PLXDC2: variants seen among roughly 807,000 people sequenced by gnomAD.
PLXDC2 encodes plexin domain-containing protein 2.
In PLXDC2, 40 loss-of-function variants were observed where a neutral mutation model predicts 68.9. That is an observed-to-expected ratio of 0.58 (90% confidence interval 0.45 to 0.76). The LOEUF (loss-of-function observed/expected upper bound fraction) is 0.76, where lower values mean the gene tolerates loss of function less well. Among genes scored for constraint, PLXDC2 ranks in the 30% least tolerant of loss-of-function variants. The probability of loss-of-function intolerance (pLI) is 0.00; values close to 1 mark genes in which losing one functional copy is unlikely to be tolerated. For synonymous variants in PLXDC2, 243 were observed against 234.2 expected (o/e 1.04, Z -0.34); for missense variants, 644 against 661.9 (o/e 0.97, Z 0.30).
At chr10:20,072,618 C>G (rs1836355503) in intron 4 of PLXDC2, among the ~76,000 whole-genome samples, 1 of 152,064 alleles carries the variant, frequency 6.6e-6, no homozygotes, top group Admixed American at 6.6e-5. Context: ...AGAAGTAGAT[C>G]TGGCCTGATC....
intron 1 of PLXDC2, among the ~76,000 whole-genome samples, chr10:19,854,413 G>T (rs1425368190): frequency 6.6e-6 from 1 of 152,028 alleles, no homozygotes; most frequent in Non-Finnish European, 1.5e-5. Flanking sequence ...GCCTCCCAGG[G>T]GCCATATGGC....
chr10:20,072,475 A>AAAG (rs1836340444), intron 4 of PLXDC2, among the ~76,000 whole-genome samples: 2 of 107,246 alleles, frequency 1.9e-5, no homozygotes, highest in Admixed American at 9.9e-5. Context: ...AGAAAGAAAG[A>AAAG]AGGAACAAAG....
At position 19,861,228 on chromosome 10, in the gene PLXDC2, T is replaced by A. The variant is rs376803323; in HGVS notation, c.112+44037T>A. Among the ~76,000 whole-genome samples the A allele has an allele frequency of 2.6e-5, 4 of 152,078 alleles. No homozygotes were observed. The South Asian group carries it at 6.2e-4, about 24-fold the overall frequency. On this transcript the variant is annotated intron_variant, in intron 1 of 13. Transcript: ENST00000377252. ...TTTTGTATTTTTTGTAGAGATGGGG[T>A]TTCACCATGTTGGCCAGGCTGGTCT...
intron 1 of PLXDC2, among the ~76,000 whole-genome samples, chr10:19,988,890 C>T (rs185628545): frequency 3.5e-4 from 50 of 143,356 alleles, no homozygotes; most frequent in Admixed American, 1.8e-3. Context: ...CCGCCTCCCC[C>T]GTTCAGGAGA....
intron 1 of PLXDC2, among the ~76,000 whole-genome samples, chr10:19,990,680 T>C (rs1221591716): frequency 6.6e-6 from 1 of 152,218 alleles, no homozygotes; most frequent in Non-Finnish European, 1.5e-5. Flanking sequence ...TGATTTCTTT[T>C]TTTAATGTAA....
intron 12 of PLXDC2, among the ~76,000 whole-genome samples, chr10:20,241,707 A>G (rs1835518350): frequency 6.6e-6 from 1 of 152,212 alleles, no homozygotes; most frequent in Non-Finnish European, 1.5e-5. Flanking sequence ...TGAGCCCAGG[A>G]GTTCGAAGCT....
intron 6 of PLXDC2, among the ~76,000 whole-genome samples, chr10:20,162,935 G>T (rs534871570): frequency 4.3e-4 from 59 of 136,622 alleles, no homozygotes; most frequent in Admixed American, 1.4e-3. Flanking sequence ...AAAAAATCCA[G>T]CTGGGTGTGG....
At chr10:19,998,716 A>G (rs1395793136) in intron 1 of PLXDC2, among the ~76,000 whole-genome samples, 1 of 152,164 alleles carries the variant, frequency 6.6e-6, no homozygotes, top group Non-Finnish European at 1.5e-5. Context: ...CAGGAGGCAC[A>G]GAGATGGAGG....
At chr10:19,929,165 G>T (rs1371101308) in intron 1 of PLXDC2, among the ~76,000 whole-genome samples, 1 of 151,898 alleles carries the variant, frequency 6.6e-6, no homozygotes, top group Non-Finnish European at 1.5e-5. Flanking sequence ...GATTGCATGA[G>T]GTCAGGAGTT....
intron 1 of PLXDC2, among the ~76,000 whole-genome samples, chr10:19,846,133 C>T (rs764151781): frequency 5.3e-5 from 8 of 152,176 alleles, no homozygotes; most frequent in Non-Finnish European, 5.9e-5. Context: ...CCTTTCACTT[C>T]TTCCTTTGGT....
intron 9 of PLXDC2, among the ~76,000 whole-genome samples, chr10:20,185,639 C>G (rs1834672471): frequency 6.6e-6 from 1 of 151,864 alleles, no homozygotes. Context: ...CTTTTATATC[C>G]TAGAGACAAA....
chr10:19,984,147 G>T (rs1010898627), intron 1 of PLXDC2, among the ~76,000 whole-genome samples: 1 of 152,204 alleles, frequency 6.6e-6, no homozygotes, highest in African/African-American at 2.4e-5. Flanking sequence ...GTTCCAGAAA[G>T]AATTCAGGTC....
intron 1 of PLXDC2, among the ~76,000 whole-genome samples, chr10:19,863,645 T>C (rs1157586451): frequency 6.6e-6 from 1 of 152,186 alleles, no homozygotes; most frequent in African/African-American, 2.4e-5. Flanking sequence ...AAACATGACA[T>C]GCATGCCGTG....
chr10:20,241,755 A>C (rs745988927), intron 12 of PLXDC2, among the ~76,000 whole-genome samples: 7 of 152,180 alleles, frequency 4.6e-5, no homozygotes, highest in Non-Finnish European at 7.4e-5. Flanking sequence ...CTCCAGCCTG[A>C]GTGACAGCAA....
At chr10:20,265,879 A>T (rs1007347243) in intron 13 of PLXDC2, among the ~76,000 whole-genome samples, 1 of 152,180 alleles carries the variant, frequency 6.6e-6, no homozygotes, top group Non-Finnish European at 1.5e-5. Context: ...TTTGACAATT[A>T]CGTGTGCCTT....
chr10:20,131,510 C>CT (rs1833867673), intron 4 of PLXDC2, among the ~76,000 whole-genome samples: 1 of 152,134 alleles, frequency 6.6e-6, no homozygotes, highest in Non-Finnish European at 1.5e-5. Flanking sequence ...AGCAATTCTC[C>CT]TGTCTCAGCC....
chr10:20,027,419 G>A (rs1190132906), intron 2 of PLXDC2, among the ~76,000 whole-genome samples: 3 of 152,054 alleles, frequency 2.0e-5, no homozygotes. Context: ...TTGCCCTCCT[G>A]CCTTCTACTA....
intron 4 of PLXDC2, among the ~76,000 whole-genome samples, chr10:20,087,060 A>G (rs1323812994): frequency 6.6e-6 from 1 of 152,236 alleles, no homozygotes; most frequent in Non-Finnish European, 1.5e-5. Flanking sequence ...AACAAAAATA[A>G]AAAACAATGT....
At chr10:20,149,917 T>A (rs984059783) in intron 6 of PLXDC2, among the ~76,000 whole-genome samples, 8 of 152,188 alleles carry the variant, frequency 5.3e-5, no homozygotes, top group Non-Finnish European at 1.2e-4. Context: ...ATGATTTACT[T>A]ATTCTTTTAA....
Sources: allele counts gnomAD v4.1 joint callset (sites outside exome capture counted in the v4.1 genomes callset), GRCh38; gene constraint gnomAD v4.1.1; transcripts MANE v1.5; gene names NCBI Gene and HGNC (gene_info 2026-07-23, HGNC 2026-07-21).